The following TSHZ2 variants were observed in gnomAD, a reference collection of about 807,000 sequenced individuals.
TSHZ2 encodes the protein teashirt homolog 2.
A neutral mutation model predicts 74.4 loss-of-function variants in TSHZ2; 21 were observed. The ratio of observed to expected loss-of-function variants is 0.28; its 90% CI spans 0.20 to 0.41. The LOEUF (loss-of-function observed/expected upper bound fraction) is 0.41, where lower values mean the gene tolerates loss of function less well. Among genes scored for constraint, TSHZ2 ranks in the 10% least tolerant of loss-of-function variants. The pLI is 1.00. For missense variants in TSHZ2, 1,244 were observed against 1,293.5 expected (o/e 0.96, Z 0.59); for synonymous variants, 540 against 515.3 (o/e 1.05, Z -0.65).
At chr20:53,052,435 C>T (rs1432133695) in intron 1 of TSHZ2, among the ~76,000 whole-genome samples, 1 of 152,166 alleles carries the variant, frequency 6.6e-6, no homozygotes, top group East Asian at 1.9e-4. Context: ...AGGTTATGTG[C>T]TCCTTATGAG....
intron 1 of TSHZ2, among the ~76,000 whole-genome samples, chr20:53,029,438 G>A (rs1983558360): frequency 1.3e-5 from 2 of 152,210 alleles, no homozygotes; most frequent in South Asian, 4.1e-4. Flanking sequence ...CACTTTGGGA[G>A]GCTGAGGCGG....
At chr20:53,335,846 C>A (rs1430004143) in intron 2 of TSHZ2, among the ~76,000 whole-genome samples, 1 of 152,154 alleles carries the variant, frequency 6.6e-6, no homozygotes, top group African/African-American at 2.4e-5. Flanking sequence ...CTGTGAACTG[C>A]AGTTCCAAAA....
chr20:53,446,718 G>A (rs1984565566), intron 2 of TSHZ2, among the ~76,000 whole-genome samples: 2 of 152,198 alleles, frequency 1.3e-5, no homozygotes, highest in South Asian at 4.2e-4. Context: ...TTCTCATATT[G>A]ATGAAATGCT....
Position 53,154,017 on chromosome 20 carries a change from A to G in TSHZ2, c.41-99482A>G, listed in dbSNP as rs1409580607. 1.3e-5 allele frequency among the ~76,000 whole-genome samples: 2 copies of G among 152,240 alleles called. 1 individual carries two copies. The highest frequency in any genetic ancestry group is 4.8e-5 in the African/African-American group (2 of 41,468). On this transcript the variant is annotated intron_variant, in intron 1 of 2. Transcript: ENST00000371497. Reference sequence around the variant, plus strand: ...TCAGAACTGTACTGTGCTTACTTCTATTGCATTCCATTGGACAAAGTAAGT... The same window carrying G: ...TCAGAACTGTACTGTGCTTACTTCTGTTGCATTCCATTGGACAAAGTAAGT...
chr20:53,215,959 G>A (rs1278279158), intron 1 of TSHZ2, among the ~76,000 whole-genome samples: 1 of 151,878 alleles, frequency 6.6e-6, no homozygotes, highest in East Asian at 1.9e-4. Flanking sequence ...TCCTAGGGTT[G>A]AGCTCCTGCC....
intron 1 of TSHZ2, among the ~76,000 whole-genome samples, chr20:53,125,239 A>C (rs879922292): frequency 6.6e-6 from 1 of 152,232 alleles, no homozygotes; most frequent in Non-Finnish European, 1.5e-5. Flanking sequence ...ATTATTAATA[A>C]TTACAAAGAG....
intron 2 of TSHZ2, among the ~76,000 whole-genome samples, chr20:53,393,901 T>A (rs892316615): frequency 2.0e-5 from 3 of 152,216 alleles, no homozygotes; most frequent in Non-Finnish European, 2.9e-5. Context: ...AAAACTTTTT[T>A]AAAAATTCTA....
intron 2 of TSHZ2, among the ~76,000 whole-genome samples, chr20:53,458,949 C>A (rs1488948333): frequency 6.6e-6 from 1 of 152,076 alleles, no homozygotes; most frequent in African/African-American, 2.4e-5. Flanking sequence ...AATTTCTGTT[C>A]TTTTACATTT....
chr20:53,425,586 A>G (rs895490457), intron 2 of TSHZ2, among the ~76,000 whole-genome samples: 2 of 152,228 alleles, frequency 1.3e-5, no homozygotes, highest in African/African-American at 4.8e-5. Context: ...TATAAAACAG[A>G]GGTAGGCAAA....
At chr20:53,457,187 T>G (rs1172326883) in intron 2 of TSHZ2, among the ~76,000 whole-genome samples, 1 of 143,700 alleles carries the variant, frequency 7.0e-6, no homozygotes, top group Non-Finnish European at 1.5e-5. Context: ...TTCCTACCCA[T>G]GAGCATGGAA....
chr20:53,000,936 G>T (rs1255595301), intron 1 of TSHZ2, among the ~76,000 whole-genome samples: 4 of 152,090 alleles, frequency 2.6e-5, no homozygotes, highest in Non-Finnish European at 5.9e-5. Flanking sequence ...TCCTTCTGCT[G>T]ACTTAGAAAG....
At chr20:53,154,298 T>A (rs867166350) in intron 1 of TSHZ2, among the ~76,000 whole-genome samples, 17 of 148,768 alleles carry the variant, frequency 1.1e-4, no homozygotes, top group African/African-American at 3.7e-4. Context: ...CCAAAAAAAA[T>A]TTTTTTAAGA....
intron 2 of TSHZ2, among the ~76,000 whole-genome samples, chr20:53,464,024 A>G (rs1055689085): frequency 1.2e-4 from 19 of 152,098 alleles, no homozygotes; most frequent in Non-Finnish European, 1.8e-4. Context: ...CCACCCGCAA[A>G]ATGGTAGGGG....
At chr20:53,020,447 G>T (rs114192087) in intron 1 of TSHZ2, among the ~76,000 whole-genome samples, 3 of 152,038 alleles carry the variant, frequency 2.0e-5, no homozygotes, top group Non-Finnish European at 4.4e-5. Context: ...ATCCTAACTC[G>T]CATTACAAGC....
intron 1 of TSHZ2, among the ~76,000 whole-genome samples, chr20:53,059,889 C>T (rs1276627084): frequency 1.3e-5 from 2 of 151,970 alleles, no homozygotes; most frequent in Non-Finnish European, 2.9e-5. Context: ...TTTTGTTTTG[C>T]CTATTAGTGA....
At chr20:53,224,912 T>C (rs1052019799) in intron 1 of TSHZ2, among the ~76,000 whole-genome samples, 1 of 152,030 alleles carries the variant, frequency 6.6e-6, no homozygotes, top group Non-Finnish European at 1.5e-5. Context: ...ATGTGTACCC[T>C]GTCCCACAAG....
chr20:53,243,412 G>A (rs1990117592), intron 1 of TSHZ2, among the ~76,000 whole-genome samples: 1 of 152,150 alleles, frequency 6.6e-6, no homozygotes, highest in African/African-American at 2.4e-5. Context: ...AGAGATGAAA[G>A]CATATCATAA....
intron 1 of TSHZ2, among the ~76,000 whole-genome samples, chr20:53,071,747 C>T (rs1451548966): frequency 2.0e-5 from 3 of 152,118 alleles, no homozygotes; most frequent in Non-Finnish European, 2.9e-5. Context: ...AGATCTTTTT[C>T]CTCTCCCCTG....
At chr20:53,106,097 C>T (rs1482263614) in intron 1 of TSHZ2, among the ~76,000 whole-genome samples, 1 of 152,056 alleles carries the variant, frequency 6.6e-6, no homozygotes, top group African/African-American at 2.4e-5. Flanking sequence ...GGAGGAGAAC[C>T]TTTCAAATCT....
Sources: gnomAD v4.1 joint callset for allele counts (sites outside exome capture counted in the v4.1 genomes callset) on GRCh38, gnomAD v4.1.1 for gene constraint, MANE v1.5 for transcripts, NCBI Gene and HGNC (gene_info 2026-07-23, HGNC 2026-07-21) for gene names.